The following CHMP3 variants were observed in gnomAD, a reference collection of about 807,000 sequenced individuals.
The protein encoded by CHMP3 is 25.1 protein.
Under a neutral mutation model 27.4 loss-of-function variants are expected in CHMP3, and 8 were observed. The observed-to-expected ratio is 0.29, with a 90% confidence interval of 0.17 to 0.53. CHMP3 has a LOEUF of 0.53. Ranked by LOEUF, CHMP3 falls within the 20% of genes least tolerant of loss-of-function variation. The pLI is 0.96. For missense variants in CHMP3, 208 were observed against 271.5 expected (o/e 0.77, Z 1.64); for synonymous variants, 86 against 85.5 (o/e 1.01, Z -0.03).
chr2:86,549,027 C>G (rs956174973), intron 1 of CHMP3, among the ~76,000 whole-genome samples: 2 of 150,470 alleles, frequency 1.3e-5, no homozygotes, highest in Non-Finnish European at 3.0e-5. Context: ...CTCCCCACCT[C>G]CCAGATGAAG....
chr2:86,516,702 G>C (rs1675320676), intron 3 of CHMP3, among the ~76,000 whole-genome samples: 1 of 152,174 alleles, frequency 6.6e-6, no homozygotes, highest in African/African-American at 2.4e-5. Flanking sequence ...AAAAAGAAAT[G>C]AACTATGGAT....
intron 3 of CHMP3, 74 bp downstream of exon 3, chr2:86,529,144 A>C: frequency 1.4e-6 from 2 of 1,392,508 alleles, no homozygotes; most frequent in South Asian, 3.8e-5. Flanking sequence ...AGTTTTTCCT[A>C]TTCAAGGAAC....
chr2:86,553,882 A>G (rs1677008682), intron 1 of CHMP3, among the ~76,000 whole-genome samples: 1 of 152,230 alleles, frequency 6.6e-6, no homozygotes, highest in African/African-American at 2.4e-5. Context: ...TATATATCAA[A>G]TAATAGCAAA....
At chr2:86,556,770 G>T (rs887762025) in intron 1 of CHMP3, among the ~76,000 whole-genome samples, 1 of 152,140 alleles carries the variant, frequency 6.6e-6, no homozygotes, top group African/African-American at 2.4e-5. Flanking sequence ...TGTCAGGGCC[G>T]CGGTTGCTAC....
At position 86,505,749 on chromosome 2, in the gene CHMP3, A is replaced by C; in HGVS notation, c.*55T>G. 6.9e-7 allele frequency: 1 copy of C among 1,447,058 alleles called. No individual in the cohort carries two copies. The highest frequency in any genetic ancestry group is 2.6e-5 in the East Asian group (1 of 38,696). 89.6% of individuals were successfully genotyped at this position (1,447,058 alleles called of 1,614,324 possible). A position where few individuals can be genotyped will look rare whatever the true frequency, so the allele number is the denominator to read the frequency against. On this transcript the variant is annotated 3_prime_UTR_variant, in exon 6 of 6. Transcript: ENST00000263856. ...AACAGAGGTGTAGTGCAAGAGACAC[A>C]TAAAATGGCAGCTCTTGAGAGGAGT...
In CHMP3 at chr2:86,544,069, G is replaced by A. The variant is rs1007261650; in HGVS notation, c.46-1757C>T. Among the ~76,000 whole-genome samples, 5 of 152,236 alleles carry A rather than the reference G, an allele frequency of 3.3e-5. No homozygotes were observed. The South Asian group carries it at 6.2e-4, about 19-fold the overall frequency. On this transcript the variant is annotated intron_variant, in intron 1 of 5. Transcript: ENST00000263856. ...GAATCACACAATGTGTTAACTTTTC[G>A]TTTCTGGTTTATTTAACATGATGTT...
chr2:86,563,221 G>A (rs1677460844), intron 1 of CHMP3, 83 bp downstream of exon 1: 3 of 1,524,872 alleles, frequency 2.0e-6, no homozygotes, highest in South Asian at 1.1e-5. Context: ...CAGGCGGTGG[G>A]GAGAAGAGTG....
Position 86,548,141 on chromosome 2 carries a change from A to T in CHMP3, c.46-5829T>A, listed in dbSNP as rs541195040. On this transcript the variant is annotated intron_variant, in intron 1 of 5. Coordinates refer to ENST00000263856, the MANE Select transcript of CHMP3 (RefSeq NM_016079.4). ...TGGTGTTTTAAGAAGACAGTATAGG[A>T]GAATACATTTATGATTTCAGGTTAG... 1.2e-4 allele frequency among the ~76,000 whole-genome samples: 18 copies of T among 151,562 alleles called. No homozygotes were observed. The East Asian group carries it at 3.5e-3, about 30-fold the overall frequency.
At chr2:86,535,583 T>C (rs1676094830) in intron 2 of CHMP3, among the ~76,000 whole-genome samples, 1 of 152,144 alleles carries the variant, frequency 6.6e-6, no homozygotes, top group Admixed American at 6.5e-5. Context: ...CTCAGCTCAC[T>C]GCAACCTCCG....
chr2:86,529,247 G>A lies in CHMP3; in HGVS notation c.257C>T (p.Ser86Leu). 1 of 1,610,702 alleles carries A rather than the reference G, an allele frequency of 6.2e-7. No homozygotes were observed. The highest frequency in any genetic ancestry group is 8.5e-7 in the Non-Finnish European group (1 of 1,178,740). The stretch of plus-strand genomic sequence containing the variant: ...CTGGTTCTTCATCCCCATGAGCACT[G>A]AGTTCATGTGTGCTTTGGATGCATA... ...KLYASKAHMNSVLMGMKNQLA... is the reference protein window; with the variant it reads ...KLYASKAHMNLVLMGMKNQLA... The change falls in exon 3 of 6, where the codon TCA becomes TTA. Residue 86 changes from serine (S) to leucine (L), a missense_variant. Physicochemically the swap from Ser to Leu is moderately radical, Grantham distance 145. Around this residue, in one of 3 missense-constraint regions of CHMP3, gnomAD observed 94 missense variants for 159.6 expected, o/e 0.59. Coordinates refer to ENST00000263856, the MANE Select transcript of CHMP3 (RefSeq NM_016079.4).
chr2:86,563,406 C>G lies in CHMP3; in HGVS notation c.-58G>C. 6.3e-7 allele frequency: 1 copy of G among 1,596,918 alleles called. No individual in the cohort carries two copies. The highest frequency in any genetic ancestry group is 8.5e-7 in the Non-Finnish European group (1 of 1,169,824). ...TTCAGTTCCCCGCGCCCAGGCAGGT[C>G]ACGGGCAGCCGCCTGGGCGGGGCCC... On this transcript the variant is annotated 5_prime_UTR_variant, in exon 1 of 6. Transcript: ENST00000263856.
chr2:86,525,919 G>A (rs1675693178), intron 3 of CHMP3, among the ~76,000 whole-genome samples: 1 of 152,152 alleles, frequency 6.6e-6, no homozygotes, highest in African/African-American at 2.4e-5. Flanking sequence ...AGTCAGCCCT[G>A]AAGATAAAAC....
At chr2:86,545,470 C>T (rs1440877537) in intron 1 of CHMP3, among the ~76,000 whole-genome samples, 2 of 127,748 alleles carry the variant, frequency 1.6e-5, no homozygotes, top group Non-Finnish European at 3.3e-5. Flanking sequence ...ACGGGGCGGC[C>T]GGGCAGAGGC....
chr2:86,516,161 A>AG (rs1204463471), intron 3 of CHMP3, among the ~76,000 whole-genome samples: 7 of 151,414 alleles, frequency 4.6e-5, no homozygotes, highest in East Asian at 1.9e-4. Flanking sequence ...AAAAAAAAAA[A>AG]AAAGAAAAAA....
intron 1 of CHMP3, among the ~76,000 whole-genome samples, chr2:86,553,947 A>C (rs1677011779): frequency 6.6e-6 from 1 of 152,208 alleles, no homozygotes; most frequent in East Asian, 1.9e-4. Context: ...CTGTGGTATG[A>C]ATGTTGGTGC....
rs146227988 is a variant in CHMP3 at position 86,555,086 on chromosome 2, G to C, written c.45+8218C>G. Reference sequence around the variant, plus strand: ...TGGTCTTGAACTCCTGACCTCAAGTGATCTGCTCGCCCCAGCCTCCCAAAG... The same window carrying C: ...TGGTCTTGAACTCCTGACCTCAAGTCATCTGCTCGCCCCAGCCTCCCAAAG... On this transcript the variant is annotated intron_variant, in intron 1 of 5. Coordinates refer to ENST00000263856, the MANE Select transcript of CHMP3 (RefSeq NM_016079.4). Among the ~76,000 whole-genome samples the C allele has an allele frequency of 5.5e-4, 83 of 152,102 alleles. 2 individuals are homozygous for C. The East Asian group carries it at 0.016, about 29-fold the overall frequency.
chr2:86,540,659 ATTC>A (rs973181727), intron 2 of CHMP3: 4 of 152,046 alleles, frequency 2.6e-5, no homozygotes, highest in African/African-American at 9.7e-5. Context: ...CCATTCAGTG[ATTC>A]TTCATTTAAT....
intron 2 of CHMP3, 32 bp from the exon 3 acceptor site, chr2:86,529,429 G>A: frequency 6.6e-7 from 1 of 1,526,252 alleles, no homozygotes. Flanking sequence ...AAAAATCAAG[G>A]GTAAGTCAGG....
chr2:86,551,816 G>C (rs1190692633), intron 1 of CHMP3, among the ~76,000 whole-genome samples: 1 of 152,166 alleles, frequency 6.6e-6, no homozygotes. Flanking sequence ...CAAAGGGTTG[G>C]TTCAAAGCAA....
Sources: gnomAD v4.1 joint callset for allele counts (sites outside exome capture counted in the v4.1 genomes callset) on GRCh38, gnomAD v4.1.1 for gene constraint, gnomAD v4.1.1 regional missense constraint, MANE v1.5 for transcripts, NCBI Gene and HGNC (gene_info 2026-07-23, HGNC 2026-07-21) for gene names.